The following TECRL variants were observed in gnomAD, a reference collection of about 807,000 sequenced individuals.
TECRL encodes the protein trans-2,3-enoyl-CoA reductase like.
TECRL carries 63 observed loss-of-function variants against 52.8 expected under a neutral mutation model. The ratio of observed to expected loss-of-function variants is 1.19; its 90% CI spans 0.97 to 1.47. The LOEUF is 1.47. TECRL is among the 40% of genes most tolerant of loss of function. The pLI is 0.00. For synonymous variants in TECRL, 164 were observed against 141.9 expected, an observed-to-expected ratio of 1.16 and a Z score of -1.10; for missense variants, 482 against 429.6, an observed-to-expected ratio of 1.12 and a Z score of -1.08.
intron 1 of TECRL, among the ~76,000 whole-genome samples, chr4:64,393,121 T>G (rs1244358760): frequency 1.3e-5 from 2 of 151,928 alleles, no homozygotes; most frequent in Non-Finnish European, 2.9e-5. Context: ...CTACCAATAG[T>G]TCAGTCTGTT....
chr4:64,306,350 G>A (rs1724335758), intron 6 of TECRL, among the ~76,000 whole-genome samples: 1 of 152,090 alleles, frequency 6.6e-6, no homozygotes, highest in Non-Finnish European at 1.5e-5. Context: ...ATATCCTGGG[G>A]CAACTGAAGG....
chr4:64,381,684 T>C (rs767447809), intron 1 of TECRL, among the ~76,000 whole-genome samples: 5 of 152,190 alleles, frequency 3.3e-5, no homozygotes, highest in Admixed American at 1.3e-4. Flanking sequence ...GTTGATATGA[T>C]ATATCATATT....
intron 2 of TECRL, among the ~76,000 whole-genome samples, chr4:64,350,147 A>G (rs1379527225): frequency 2.0e-5 from 3 of 152,232 alleles, no homozygotes; most frequent in Admixed American, 1.3e-4. Flanking sequence ...ACTGTACCTT[A>G]ATGTATGGCT....
chr4:64,281,716 C>G (rs1165140364), intron 9 of TECRL, among the ~76,000 whole-genome samples, 157 bp from the exon 10 acceptor site: 1 of 151,852 alleles, frequency 6.6e-6, no homozygotes, highest in East Asian at 1.9e-4. Context: ...TCAGAAGAGA[C>G]CCAGCTTTAA....
intron 1 of TECRL, among the ~76,000 whole-genome samples, chr4:64,376,625 GGAGTA>G (rs1722415440): frequency 1.3e-5 from 2 of 151,982 alleles, no homozygotes; most frequent in South Asian, 4.1e-4. Context: ...CTGACAGAGT[GGAGTA>G]AAGGCCACGT....
At chr4:64,345,927 A>AAAAAC (rs1406456845) in intron 2 of TECRL, among the ~76,000 whole-genome samples, 3 of 146,600 alleles carry the variant, frequency 2.0e-5, no homozygotes, top group Non-Finnish European at 3.0e-5. Context: ...AAAAAAAAAA[A>AAAAAC]AAAACATTTA....
chr4:64,352,056 T>G lies in TECRL; in HGVS notation c.286+23116A>C, dbSNP rs182987100. On this transcript the variant is annotated intron_variant, in intron 2 of 11. Coordinates refer to ENST00000381210, the MANE Select transcript of TECRL (RefSeq NM_001010874.5). Reference sequence around the variant, plus strand: ...CCATATCATTTTCCAATTCTTAAGTTAAAACTATTTTTGTTCAAATTCTAA... The same window carrying G: ...CCATATCATTTTCCAATTCTTAAGTGAAAACTATTTTTGTTCAAATTCTAA... 1.6e-4 allele frequency among the ~76,000 whole-genome samples: 25 copies of G among 152,312 alleles called. No individual in the cohort carries two copies. The South Asian group carries it at 4.3e-3, about 26-fold the overall frequency.
intron 6 of TECRL, among the ~76,000 whole-genome samples, chr4:64,305,987 T>G (rs557707542): frequency 2.0e-5 from 3 of 152,148 alleles, no homozygotes; most frequent in African/African-American, 4.8e-5. Context: ...TTCCTTATTC[T>G]TCTTGGTCGT....
At chr4:64,299,897 A>G (rs1054111796) in intron 8 of TECRL, 77 bp downstream of exon 8, 1 of 691,894 alleles carries the variant, frequency 1.4e-6, no homozygotes, top group Non-Finnish European at 2.3e-6. Flanking sequence ...TACATGACAA[A>G]TCTTCAGATA....
At position 64,289,705 on chromosome 4, in the gene TECRL, C is replaced by G. The variant is rs763329162; in HGVS notation, c.832+5G>C. 1 of 1,525,876 alleles carries G rather than the reference C, an allele frequency of 6.6e-7. No individual in the cohort carries two copies. The highest frequency in any genetic ancestry group is 8.7e-7 in the Non-Finnish European group (1 of 1,146,338). 94.5% of individuals were successfully genotyped at this position (1,525,876 alleles called of 1,614,324 possible). A position where few individuals can be genotyped will look rare whatever the true frequency, so the allele number is the denominator to read the frequency against. ...TAAAGAAAAGAAAAAGAAAAAAGAACTAACCTGTGTGATTGGGATGAGACA... is the reference window on the plus strand; with the variant it reads ...TAAAGAAAAGAAAAAGAAAAAAGAAGTAACCTGTGTGATTGGGATGAGACA... On this transcript the variant is annotated splice_donor_5th_base_variant and intron_variant, in intron 9 of 11. Transcript: ENST00000381210.
chr4:64,310,440 TTTTTG>T (rs1288538174), intron 5 of TECRL, among the ~76,000 whole-genome samples: 1 of 152,142 alleles, frequency 6.6e-6, no homozygotes, highest in Non-Finnish European at 1.5e-5. Context: ...TTGTGCTTTG[TTTTTG>T]TTTTGTTTGT....
At chr4:64,306,294 C>G (rs892368390) in intron 6 of TECRL, among the ~76,000 whole-genome samples, 13 of 152,094 alleles carry the variant, frequency 8.5e-5, no homozygotes, top group African/African-American at 3.1e-4. Context: ...TGTTCCAAAA[C>G]AGTTTCCCTT....
chr4:64,402,709 G>A (rs1307161539), intron 1 of TECRL, among the ~76,000 whole-genome samples: 1 of 152,098 alleles, frequency 6.6e-6, no homozygotes, highest in East Asian at 1.9e-4. Context: ...GACACATGTA[G>A]TAATAGAGAA....
Position 64,337,713 on chromosome 4 carries a change from C to G in TECRL, c.287-9157G>C, listed in dbSNP as rs558241637. Among the ~76,000 whole-genome samples, 6 of 152,216 alleles carry G rather than the reference C, an allele frequency of 3.9e-5. No individual in the cohort carries two copies. In the South Asian group the frequency reaches 1.2e-3, roughly 32 times the overall value. On this transcript the variant is annotated intron_variant, in intron 2 of 11. Transcript: ENST00000381210. ...GAGAATAAAATACCTAGGAATCCAACTTACAAGGGATATGAAGGACCTCTT... is the reference window on the plus strand; with the variant it reads ...GAGAATAAAATACCTAGGAATCCAAGTTACAAGGGATATGAAGGACCTCTT...
chr4:64,374,241 C>CGG (rs1722212961), intron 2 of TECRL, among the ~76,000 whole-genome samples: 1 of 150,446 alleles, frequency 6.6e-6, no homozygotes, highest in Non-Finnish European at 1.5e-5. Flanking sequence ...GTATTCCTTC[C>CGG]TGCATAGGCT....
At chr4:64,297,399 T>C (rs1349857242) in intron 8 of TECRL, among the ~76,000 whole-genome samples, 1 of 151,088 alleles carries the variant, frequency 6.6e-6, no homozygotes, top group Non-Finnish European at 1.5e-5. Context: ...AGTACATAGG[T>C]CAAAAATAAG....
chr4:64,374,499 G>A (rs1722238805), intron 2 of TECRL, among the ~76,000 whole-genome samples: 1 of 151,744 alleles, frequency 6.6e-6, no homozygotes, highest in Non-Finnish European at 1.5e-5. Flanking sequence ...CCATGTTGGT[G>A]TGCTGCACCC....
chr4:64,409,439 C>T lies in TECRL; in HGVS notation c.-88G>A. ...GCATCAGTTAAATACTGCTGGAGAA[C>T]CTTTGAAAGGTCAAATGGTATGCCA... On this transcript the variant is annotated 5_prime_UTR_variant, in exon 1 of 12. Transcript: ENST00000381210. 6.6e-7 allele frequency: 1 copy of T among 1,526,154 alleles called. No individual in the cohort carries two copies. Among genetic ancestry groups the T allele is most frequent in the Non-Finnish European group, 8.8e-7 (1 of 1,141,624 alleles). 94.5% of individuals were successfully genotyped at this position (1,526,154 alleles called of 1,614,324 possible). A position where few individuals can be genotyped will look rare whatever the true frequency, so the allele number is the denominator to read the frequency against.
intron 2 of TECRL, among the ~76,000 whole-genome samples, chr4:64,373,064 T>G (rs888702216): frequency 1.3e-5 from 2 of 151,736 alleles, no homozygotes; most frequent in African/African-American, 2.4e-5. Flanking sequence ...CTTTCAAAAA[T>G]TGGCAAATAC....
Sources: gnomAD v4.1 joint callset for allele counts (sites outside exome capture counted in the v4.1 genomes callset) on GRCh38, gnomAD v4.1.1 for gene constraint, MANE v1.5 for transcripts, NCBI Gene and HGNC (gene_info 2026-07-23, HGNC 2026-07-21) for gene names.